Variants in NUMB observed in about 807,000 individuals in gnomAD.
The protein encoded by NUMB is NUMB endocytic adaptor protein.
NUMB carries 29 observed loss-of-function variants against 59.7 expected under a neutral mutation model. The observed-to-expected ratio is 0.49, with a 90% confidence interval of 0.36 to 0.66. The LOEUF (loss-of-function observed/expected upper bound fraction) is 0.66. NUMB is among the 30% of genes least tolerant of loss of function. The pLI is 0.00. For missense variants in NUMB, 723 were observed against 822.0 expected, an observed-to-expected ratio of 0.88 and a Z score of 1.47; for synonymous variants, 288 against 288.2, an observed-to-expected ratio of 1.00 and a Z score of 0.01.
chr14:73,411,642 T>C (rs1398952163), intron 1 of NUMB, among the ~76,000 whole-genome samples: 1 of 152,200 alleles, frequency 6.6e-6, no homozygotes, highest in Non-Finnish European at 1.5e-5. Flanking sequence ...TAGCATCTAG[T>C]ACAATGCCTA....
chr14:73,415,476 C>A (rs1897085627), intron 1 of NUMB, among the ~76,000 whole-genome samples: 1 of 151,166 alleles, frequency 6.6e-6, no homozygotes. Flanking sequence ...TAAACTATTT[C>A]TCCTTACTGT....
At chr14:73,429,644 A>G (rs1422238363) in intron 1 of NUMB, among the ~76,000 whole-genome samples, 1 of 151,374 alleles carries the variant, frequency 6.6e-6, no homozygotes, top group Non-Finnish European at 1.5e-5. Flanking sequence ...GTTTTTTGCC[A>G]TTAAAATGGC....
intron 4 of NUMB, among the ~76,000 whole-genome samples, chr14:73,332,543 G>A (rs1290524586): frequency 6.6e-6 from 1 of 151,950 alleles, no homozygotes; most frequent in Non-Finnish European, 1.5e-5. Context: ...ATTACAGGGT[G>A]AGCCACCACG....
At chr14:73,287,556 T>TTAG (rs1203614429) in intron 8 of NUMB, among the ~76,000 whole-genome samples, 1 of 151,920 alleles carries the variant, frequency 6.6e-6, no homozygotes. Flanking sequence ...TTTTGTATTT[T>TTAG]TAGTAGAGAT....
intron 2 of NUMB, among the ~76,000 whole-genome samples, chr14:73,370,529 T>C (rs1307049086): frequency 1.3e-5 from 2 of 152,034 alleles, no homozygotes; most frequent in East Asian, 3.9e-4. Context: ...CCGTCTCTAC[T>C]AAAAATACAA....
chr14:73,405,952 T>C (rs1467615964), intron 2 of NUMB, among the ~76,000 whole-genome samples: 1 of 152,164 alleles, frequency 6.6e-6, no homozygotes, highest in Non-Finnish European at 1.5e-5. Context: ...GATCCCAGAC[T>C]GACCAATGGG....
At chr14:73,450,381 G>C (rs1883836685) in intron 1 of NUMB, among the ~76,000 whole-genome samples, 1 of 152,232 alleles carries the variant, frequency 6.6e-6, no homozygotes, top group South Asian at 2.1e-4. Flanking sequence ...GGACATAAAT[G>C]ATGCTCTTTC....
intron 6 of NUMB, among the ~76,000 whole-genome samples, chr14:73,312,636 C>G (rs1027424695): frequency 6.6e-6 from 1 of 151,578 alleles, no homozygotes; most frequent in Non-Finnish European, 1.5e-5. Context: ...ATCCCCTGAG[C>G]CTGGGAGTTT....
At chr14:73,434,248 C>T (rs1180933712) in intron 1 of NUMB, among the ~76,000 whole-genome samples, 1 of 152,146 alleles carries the variant, frequency 6.6e-6, no homozygotes, top group Non-Finnish European at 1.5e-5. Flanking sequence ...GTTTGAATCC[C>T]AGTTCTACCA....
chr14:73,409,891 A>G (rs1896829948), intron 2 of NUMB, 46 bp downstream of exon 2: 1 of 152,264 alleles, frequency 6.6e-6, no homozygotes, highest in South Asian at 2.1e-4. Flanking sequence ...AAAGACTGTT[A>G]GCTTTCAATC....
intron 4 of NUMB, among the ~76,000 whole-genome samples, chr14:73,329,143 C>T (rs954663731): frequency 1.8e-4 from 27 of 152,248 alleles, no homozygotes; most frequent in African/African-American, 5.5e-4. Context: ...GCTGGGATTA[C>T]AGGCATGAGC....
intron 1 of NUMB, among the ~76,000 whole-genome samples, chr14:73,437,694 T>A (rs1340489836): frequency 6.6e-6 from 1 of 152,228 alleles, no homozygotes; most frequent in African/African-American, 2.4e-5. Context: ...ATGGAATGAT[T>A]CCATTTACAT....
At position 73,292,711 on chromosome 14, in the gene NUMB, A is replaced by C. The variant is rs199988840; in HGVS notation, c.450+23T>G. On this transcript the variant is annotated intron_variant, in intron 8 of 12. Coordinates refer to ENST00000555238, the MANE Select transcript of NUMB (RefSeq NM_001005743.2). ...CAGCTAACTGAGAATACTCATCATG[A>C]AATACATATTTGCTGGACTCACTGT... The C allele has an allele frequency of 2.6e-3, 4,115 of 1,612,796 alleles. 9 individuals carry two copies. Among genetic ancestry groups the C allele is most frequent in the Middle Eastern group, 6.0e-3 (36 of 5,952 alleles).
chr14:73,451,477 T>C (rs1883969823), intron 1 of NUMB, among the ~76,000 whole-genome samples: 1 of 137,780 alleles, frequency 7.3e-6, no homozygotes. Flanking sequence ...TAGCCAGGCA[T>C]AGTGGCATGC....
At position 73,338,303 on chromosome 14, in the gene NUMB, GA is replaced by G. The variant is rs886422171; in HGVS notation, c.127-15100del. Among the ~76,000 whole-genome samples the G allele has an allele frequency of 1.0e-3, 144 of 142,620 alleles. 3 individuals carry two copies. The highest frequency in any genetic ancestry group is 2.8e-3 in the African/African-American group (111 of 38,956). The allele number at this position is 142,620 out of a possible 152,430, so 93.6% of individuals were successfully genotyped here. ...TCCTGTCTCTTAAAAAACAAGCAAA[GA>G]AAAAAAAAAAGTTAACTTATCGTTC... On this transcript the variant is annotated intron_variant, in intron 4 of 12. Coordinates refer to ENST00000555238, the MANE Select transcript of NUMB (RefSeq NM_001005743.2).
intron 1 of NUMB, among the ~76,000 whole-genome samples, chr14:73,449,331 C>T (rs1883766007): frequency 1.3e-5 from 2 of 152,070 alleles, no homozygotes; most frequent in South Asian, 4.2e-4. Flanking sequence ...CCACTGATAC[C>T]TGTATTTGCA....
intron 1 of NUMB, among the ~76,000 whole-genome samples, chr14:73,437,494 A>T (rs1367647690): frequency 6.6e-6 from 1 of 152,232 alleles, no homozygotes; most frequent in Non-Finnish European, 1.5e-5. Flanking sequence ...TGAATACTGT[A>T]ATCAACAAAC....
intron 4 of NUMB, 71 bp downstream of exon 4, chr14:73,355,555 A>T: frequency 7.2e-7 from 1 of 1,383,186 alleles, no homozygotes; most frequent in Non-Finnish European, 9.7e-7. Flanking sequence ...TGTCCTTATT[A>T]ATGAGATTTC....
Position 73,276,564 on chromosome 14 carries a change from G to C in NUMB, c.*14C>G. The C allele has an allele frequency of 6.3e-7, 1 of 1,596,654 alleles. No homozygotes were observed. The highest frequency in any genetic ancestry group is 8.6e-7 in the Non-Finnish European group (1 of 1,166,562). On this transcript the variant is annotated 3_prime_UTR_variant, in exon 13 of 13. Transcript: ENST00000555238. ...CTGTCTGGTATGGACAAGATACATA[G>C]CCATAATGATTGCTTAAAGTTCAAT...
Sources: allele counts gnomAD v4.1 joint callset (sites outside exome capture counted in the v4.1 genomes callset), GRCh38; gene constraint gnomAD v4.1.1; transcripts MANE v1.5; gene names NCBI Gene and HGNC (gene_info 2026-07-23, HGNC 2026-07-21).